Variants in UBE2D3 observed in about 807,000 individuals in gnomAD.
UBE2D3 encodes ubiquitin-conjugating enzyme E2 D3.
In UBE2D3, 2 loss-of-function variants were observed where a neutral mutation model predicts 22.8. The observed-to-expected ratio is 0.09, with a 90% CI of 0.04 to 0.28. The LOEUF (loss-of-function observed/expected upper bound fraction) is 0.28. UBE2D3 is among the 10% of genes least tolerant of loss of function. The probability of loss-of-function intolerance (pLI) is 1.00; values close to 1 mark genes in which losing one functional copy is unlikely to be tolerated. For synonymous variants in UBE2D3, 56 were observed against 60.4 expected (o/e 0.93, Z 0.34); for missense variants, 27 against 182.5 (o/e 0.15, Z 4.91).
upstream of UBE2D3, among the ~76,000 whole-genome samples, chr4:102,828,367 G>A (rs1208428935): frequency 6.6e-6 from 1 of 152,024 alleles, no homozygotes; most frequent in Admixed American, 6.5e-5. Context: ...TGCTGTGGGA[G>A]GAGGCGCCCC....
chr4:102,826,825 C>A (rs1730585540), intron 1 of UBE2D3, 189 bp from the exon 2 acceptor site: 2 of 1,199,466 alleles, frequency 1.7e-6, no homozygotes, highest in Non-Finnish European at 2.1e-6. Context: ...GTGGTGGCTA[C>A]AAGTTTAACT....
chr4:102,858,427 T>TGATG (rs1333468266), intron 1 of UBE2D3, among the ~76,000 whole-genome samples: 1 of 151,948 alleles, frequency 6.6e-6, no homozygotes, highest in East Asian at 1.9e-4. Flanking sequence ...GAGACACGTG[T>TGATG]GATGAACTCT....
At chr4:102,854,971 G>C (rs1299322626) in intron 1 of UBE2D3, among the ~76,000 whole-genome samples, 3 of 152,184 alleles carry the variant, frequency 2.0e-5, no homozygotes, top group African/African-American at 7.2e-5. Flanking sequence ...TGTAGGATTA[G>C]ATAAAGGGTC....
chr4:102,820,623 C>T (rs1729451170), intron 2 of UBE2D3, among the ~76,000 whole-genome samples: 1 of 152,068 alleles, frequency 6.6e-6, no homozygotes, highest in South Asian at 2.1e-4. Context: ...TTATTCAAAG[C>T]CATTCTTTTG....
chr4:102,797,541 A>G, intron 7 of UBE2D3, 81 bp from the exon 8 acceptor site: 1 of 1,208,276 alleles, frequency 8.3e-7, no homozygotes. Context: ...TTTCCATTTT[A>G]TCATCTCCAG....
At chr4:102,837,963 A>G (rs1023902554) in intron 1 of UBE2D3, among the ~76,000 whole-genome samples, 6 of 151,850 alleles carry the variant, frequency 4.0e-5, no homozygotes, top group Admixed American at 2.0e-4. Flanking sequence ...CAAAAAATAT[A>G]TACATATTTT....
rs548073888 is a variant in UBE2D3 at position 102,853,392 on chromosome 4, A to G, written c.-129+15323T>C. ...ACAAAATTATGTACATTATTATTCAATGATACTGTTTTTAAAAGCTGAAGA... is the reference window on the plus strand; with the variant it reads ...ACAAAATTATGTACATTATTATTCAGTGATACTGTTTTTAAAAGCTGAAGA... On this transcript the variant is annotated intron_variant, in intron 1 of 7. Transcript: ENST00000338145. Among the ~76,000 whole-genome samples the G allele has an allele frequency of 2.4e-4, 37 of 152,214 alleles. No homozygotes were observed. The South Asian group carries it at 6.4e-3, about 26-fold the overall frequency.
At chr4:102,814,507 T>C (rs1251959415) in intron 2 of UBE2D3, among the ~76,000 whole-genome samples, 2 of 148,924 alleles carry the variant, frequency 1.3e-5, no homozygotes, top group Non-Finnish European at 3.0e-5. Context: ...GGTTTCACCA[T>C]GGCCAGGCTG....
At chr4:102,866,595 C>T (rs1733155465) in intron 1 of UBE2D3, among the ~76,000 whole-genome samples, 1 of 152,136 alleles carries the variant, frequency 6.6e-6, no homozygotes. Context: ...TAAAGAAAAA[C>T]TGCTTGGAGG....
chr4:102,827,123 G>A lies in UBE2D3; in HGVS notation c.-129+304C>T, dbSNP rs573564130. On this transcript the variant is annotated intron_variant, in intron 1 of 7. Coordinates refer to ENST00000453744, the MANE Select transcript of UBE2D3 (RefSeq NM_181891.3). ...TGCTATCCTCGCAGCGAGCTATTCTGTGTCACCCCTGACGCCACCGTACAC... is the reference window on the plus strand; with the variant it reads ...TGCTATCCTCGCAGCGAGCTATTCTATGTCACCCCTGACGCCACCGTACAC... 2.8e-4 allele frequency: 280 copies of A among 986,614 alleles called. 2 individuals carry two copies. The highest frequency in any genetic ancestry group is 7.4e-4 in the Admixed American group (12 of 16,294). The allele number at this position is 986,614 out of a possible 1,614,324, so 61.1% of individuals were successfully genotyped here.
chr4:102,822,298 C>G (rs956353429), intron 2 of UBE2D3, among the ~76,000 whole-genome samples: 2 of 152,200 alleles, frequency 1.3e-5, no homozygotes. Context: ...CTATCCTACA[C>G]AGAAAGTGAG....
chr4:102,827,818 G>A (rs1320423326), upstream of UBE2D3: 1 of 986,462 alleles, frequency 1.0e-6, no homozygotes, highest in African/African-American at 1.7e-5. Context: ...TGAACGAGTG[G>A]CGGAAACCCT....
chr4:102,818,649 C>CA (rs1339917939), intron 2 of UBE2D3, among the ~76,000 whole-genome samples: 3 of 151,954 alleles, frequency 2.0e-5, no homozygotes, highest in Non-Finnish European at 2.9e-5. Flanking sequence ...TTTTTTTCAC[C>CA]AAAAAAATCT....
chr4:102,828,232 A>G, upstream of UBE2D3: 3 of 985,280 alleles, frequency 3.0e-6, no homozygotes, highest in Non-Finnish European at 3.6e-6. Context: ...CCCAATCAGG[A>G]GCGTGTGGTG....
chr4:102,799,378 C>A (rs775151686), intron 7 of UBE2D3, 29 bp downstream of exon 7: 8 of 1,591,634 alleles, frequency 5.0e-6, no homozygotes, highest in Non-Finnish European at 6.9e-6. Flanking sequence ...AGTAAAACCA[C>A]TTTTATAATA....
At chr4:102,819,561 TTAAG>T in intron 2 of UBE2D3, 1 of 985,304 alleles carries the variant, frequency 1.0e-6, no homozygotes, top group African/African-American at 1.7e-5. Context: ...AAACAAGGTT[TTAAG>T]TGTCAACCCT....
chr4:102,823,706 T>C (rs528342450), intron 2 of UBE2D3, among the ~76,000 whole-genome samples: 1 of 152,298 alleles, frequency 6.6e-6, no homozygotes, highest in South Asian at 2.1e-4. Context: ...TTTAAGACCA[T>C]ATTACAGCTC....
At chr4:102,837,894 C>T (rs769421928) in intron 1 of UBE2D3, among the ~76,000 whole-genome samples, 17 of 152,198 alleles carry the variant, frequency 1.1e-4, no homozygotes, top group Non-Finnish European at 2.2e-4. Context: ...GCGGAGCTTG[C>T]AGTGAGCCGA....
chr4:102,852,882 C>G (rs1420352185), intron 1 of UBE2D3, among the ~76,000 whole-genome samples: 1 of 152,108 alleles, frequency 6.6e-6, no homozygotes, highest in African/African-American at 2.4e-5. Flanking sequence ...TACTTGGACC[C>G]CTCACCAGCC....
Sources: allele counts gnomAD v4.1 joint callset (sites outside exome capture counted in the v4.1 genomes callset), GRCh38; gene constraint gnomAD v4.1.1; transcripts MANE v1.5; gene names NCBI Gene and HGNC (gene_info 2026-07-23, HGNC 2026-07-21).